The following SETBP1 variants were observed in gnomAD, a reference collection of about 807,000 sequenced individuals.
The protein encoded by SETBP1 is SET binding protein 1.
In SETBP1, 9 loss-of-function variants were observed where a neutral mutation model predicts 101.0. That is an observed-to-expected ratio of 0.09 (90% CI 0.05 to 0.16). The LOEUF is 0.16. Among genes scored for constraint, SETBP1 ranks in the 10% least tolerant of loss-of-function variants. The probability of loss-of-function intolerance (pLI) is 1.00; values close to 1 mark genes in which losing one functional copy is unlikely to be tolerated. For synonymous variants in SETBP1, 818 were observed against 788.5 expected (o/e 1.04, Z -0.63); for missense variants, 1,858 against 2,033.8 (o/e 0.91, Z 1.66).
chr18:44,954,235 G>A (rs1186241635), intron 4 of SETBP1, among the ~76,000 whole-genome samples: 1 of 150,168 alleles, frequency 6.7e-6, no homozygotes, highest in Admixed American at 6.7e-5. Context: ...TTTGACCCTG[G>A]CCTTACATCA....
chr18:44,867,905 T>A lies in SETBP1; in HGVS notation c.487-1325T>A, dbSNP rs930404053. On this transcript the variant is annotated intron_variant, in intron 2 of 5. Transcript: ENST00000649279. Reference sequence around the variant, plus strand: ...TGGGGCTCAGCATGATTTCTTCTCTTTCTTGACCCAAACAAAACATTGTTA... The same window carrying A: ...TGGGGCTCAGCATGATTTCTTCTCTATCTTGACCCAAACAAAACATTGTTA... 9.9e-5 allele frequency among the ~76,000 whole-genome samples: 15 copies of A among 152,196 alleles called. 1 individual carries two copies. The highest frequency in any genetic ancestry group is 9.8e-4 in the Admixed American group (15 of 15,276).
intron 1 of SETBP1, among the ~76,000 whole-genome samples, chr18:44,698,400 C>A (rs1212663516): frequency 6.6e-6 from 1 of 152,214 alleles, no homozygotes; most frequent in Non-Finnish European, 1.5e-5. Flanking sequence ...GCACAACATT[C>A]AAGGAAGTTC....
At chr18:44,877,817 C>T (rs867724058) in intron 3 of SETBP1, among the ~76,000 whole-genome samples, 13 of 152,082 alleles carry the variant, frequency 8.5e-5, no homozygotes, top group African/African-American at 2.7e-4. Context: ...AGAAGTTCTC[C>T]AGGTGTTTTC....
At chr18:44,825,430 G>A (rs565588138) in intron 2 of SETBP1, among the ~76,000 whole-genome samples, 136 of 152,214 alleles carry the variant, frequency 8.9e-4, no homozygotes, top group Non-Finnish European at 1.6e-3. Context: ...CAGTGAAAAA[G>A]GCACACAATT....
chr18:44,845,479 C>T (rs1171020501), intron 2 of SETBP1, among the ~76,000 whole-genome samples: 1 of 152,216 alleles, frequency 6.6e-6, no homozygotes, highest in African/African-American at 2.4e-5. Context: ...TTGCCTGATG[C>T]CCTTCTGCAC....
chr18:44,739,957 A>C (rs1450582389), intron 2 of SETBP1, among the ~76,000 whole-genome samples: 2 of 152,198 alleles, frequency 1.3e-5, no homozygotes, highest in Non-Finnish European at 2.9e-5. Flanking sequence ...GGAAGAATAG[A>C]AAGTCTGCCT....
intron 2 of SETBP1, among the ~76,000 whole-genome samples, chr18:44,850,183 G>A (rs1393064925): frequency 1.3e-5 from 2 of 152,044 alleles, no homozygotes; most frequent in Non-Finnish European, 1.5e-5. Context: ...ACATACCATG[G>A]AATTTGCATT....
chr18:44,865,424 A>G (rs555630000), intron 2 of SETBP1, among the ~76,000 whole-genome samples: 64 of 152,262 alleles, frequency 4.2e-4, no homozygotes, highest in African/African-American at 1.3e-3. Context: ...TGGGGACACA[A>G]TGATTTTCTC....
intron 5 of SETBP1, among the ~76,000 whole-genome samples, chr18:45,042,167 T>G (rs2073522464): frequency 1.5e-5 from 1 of 68,378 alleles, no homozygotes. Flanking sequence ...TTTTTTTTTT[T>G]GAAATGGAGT....
intron 2 of SETBP1, among the ~76,000 whole-genome samples, chr18:44,818,278 A>G (rs1207866468): frequency 6.6e-6 from 1 of 152,092 alleles, no homozygotes; most frequent in Admixed American, 6.5e-5. Context: ...TCATGTCGAG[A>G]TTTAGAGGAT....
At chr18:45,009,944 A>G (rs192335440) in intron 4 of SETBP1, among the ~76,000 whole-genome samples, 2 of 152,126 alleles carry the variant, frequency 1.3e-5, no homozygotes, top group Admixed American at 6.5e-5. Context: ...CTTTCCTCTG[A>G]TCGGTTGTGG....
chr18:44,854,730 G>A (rs1281715176), intron 2 of SETBP1, among the ~76,000 whole-genome samples: 2 of 152,166 alleles, frequency 1.3e-5, no homozygotes, highest in Non-Finnish European at 2.9e-5. Context: ...AACAGCCAGT[G>A]GGCACTTTTT....
At chr18:44,901,440 T>G (rs186260248) in intron 3 of SETBP1, among the ~76,000 whole-genome samples, 11 of 152,324 alleles carry the variant, frequency 7.2e-5, no homozygotes, top group Admixed American at 7.2e-4. Flanking sequence ...CTTTGTATTC[T>G]TAACATCATC....
intron 1 of SETBP1, among the ~76,000 whole-genome samples, chr18:44,686,617 A>T (rs950018519): frequency 2.6e-5 from 4 of 152,180 alleles, no homozygotes; most frequent in Non-Finnish European, 5.9e-5. Flanking sequence ...TTTATGAATG[A>T]TTTTTTGTTT....
chr18:44,701,957 G>C, intron 2 of SETBP1, 125 bp downstream of exon 2: 1 of 1,086,594 alleles, frequency 9.2e-7, no homozygotes, highest in South Asian at 1.4e-5. Context: ...TGGGGATTCA[G>C]ACCCCTGCAC....
intron 4 of SETBP1, among the ~76,000 whole-genome samples, chr18:45,028,959 G>C (rs2073231232): frequency 6.6e-6 from 1 of 152,144 alleles, no homozygotes; most frequent in African/African-American, 2.4e-5. Flanking sequence ...CATTTTGTAG[G>C]TTGCCTGTTC....
chr18:44,919,202 A>T lies in SETBP1; in HGVS notation c.541-30679A>T, dbSNP rs570289443. Among the ~76,000 whole-genome samples the T allele has an allele frequency of 2.0e-5, 3 of 152,314 alleles. No individual in the cohort carries two copies. In the South Asian group the frequency reaches 6.2e-4, roughly 32 times the overall value. On this transcript the variant is annotated intron_variant, in intron 3 of 5. Transcript: ENST00000649279. ...AACAAAAATATAATACATTAAGAGA[A>T]TTAAGGAATTAACCATAGGGTTCTG...
intron 2 of SETBP1, among the ~76,000 whole-genome samples, chr18:44,753,790 G>A (rs2070437641): frequency 6.6e-6 from 1 of 152,170 alleles, no homozygotes; most frequent in East Asian, 1.9e-4. Flanking sequence ...GGTGAGGGAG[G>A]AAGGAAAAAG....
rs758720909 is a variant in SETBP1 at position 45,063,730 on chromosome 18, G to A, written c.*32G>A. The A allele has an allele frequency of 3.0e-5, 48 of 1,591,272 alleles. No individual in the cohort carries two copies. In the South Asian group the frequency reaches 4.7e-4, roughly 16 times the overall value. On this transcript the variant is annotated 3_prime_UTR_variant, in exon 6 of 6. Coordinates refer to ENST00000649279, the MANE Select transcript of SETBP1 (RefSeq NM_015559.3). ...TCTGGGCGTCTGCACCTGGGGCCTA[G>A]GGAACTGACACGTGGGAAGCGCAGT... is the stretch of plus-strand genomic sequence containing the variant.
Sources: gnomAD v4.1 joint callset for allele counts (sites outside exome capture counted in the v4.1 genomes callset) on GRCh38, gnomAD v4.1.1 for gene constraint, MANE v1.5 for transcripts, NCBI Gene and HGNC (gene_info 2026-07-23, HGNC 2026-07-21) for gene names.